Variants in SUPT3H observed in about 807,000 individuals in gnomAD.
SUPT3H encodes the protein transcription initiation protein SPT3 homolog.
A neutral mutation model predicts 44.3 loss-of-function variants in SUPT3H; 44 were observed. The observed-to-expected ratio is 0.99, with a 90% CI of 0.78 to 1.28. The LOEUF (loss-of-function observed/expected upper bound fraction) is 1.28. Ranked by LOEUF, SUPT3H falls within the 50% of genes most tolerant of loss-of-function variation. The pLI is 0.00. For missense variants in SUPT3H, 380 were observed against 387.1 expected, an observed-to-expected ratio of 0.98 and a Z score of 0.15; for synonymous variants, 124 against 125.6, an observed-to-expected ratio of 0.99 and a Z score of 0.09.
chr6:45,294,936 T>C (rs1780905944), intron 2 of SUPT3H, among the ~76,000 whole-genome samples: 1 of 151,796 alleles, frequency 6.6e-6, no homozygotes, highest in African/African-American at 2.4e-5. Flanking sequence ...AATCTACAAA[T>C]TCACCAATGC....
chr6:44,987,884 A>C (rs756435153), intron 6 of SUPT3H, among the ~76,000 whole-genome samples: 4 of 152,138 alleles, frequency 2.6e-5, no homozygotes, highest in Non-Finnish European at 4.4e-5. Flanking sequence ...AAGTGCAAAA[A>C]GTCTGAAGAG....
chr6:45,270,893 G>T (rs1033803050), intron 2 of SUPT3H, among the ~76,000 whole-genome samples: 2 of 152,228 alleles, frequency 1.3e-5, no homozygotes, highest in Non-Finnish European at 2.9e-5. Context: ...GGCTGAAGTG[G>T]TCTCAGATGG....
At chr6:44,893,599 A>G (rs1021419700) in intron 10 of SUPT3H, among the ~76,000 whole-genome samples, 12 of 152,016 alleles carry the variant, frequency 7.9e-5, no homozygotes, top group African/African-American at 2.9e-4. Context: ...TATGTGCCAC[A>G]TTTTCTTAAT....
chr6:45,099,085 T>G (rs1798187625), intron 3 of SUPT3H: 1 of 369,446 alleles, frequency 2.7e-6, no homozygotes, highest in Non-Finnish European at 5.4e-6. Context: ...CCAGCTGTGG[T>G]GAACATTGCC....
intron 3 of SUPT3H, among the ~76,000 whole-genome samples, chr6:45,070,597 C>G (rs1419009261): frequency 6.6e-6 from 1 of 151,808 alleles, no homozygotes; most frequent in South Asian, 2.1e-4. Flanking sequence ...AAAAATTGGC[C>G]GGGCATGGCA....
At chr6:44,972,235 T>C (rs914500988) in intron 6 of SUPT3H, among the ~76,000 whole-genome samples, 13 of 152,156 alleles carry the variant, frequency 8.5e-5, no homozygotes, top group African/African-American at 2.7e-4. Context: ...TGGGTAAACA[T>C]ACCCATTCTA....
At chr6:44,982,984 G>A (rs1044778998) in intron 6 of SUPT3H, among the ~76,000 whole-genome samples, 1 of 152,140 alleles carries the variant, frequency 6.6e-6, no homozygotes, top group Non-Finnish European at 1.5e-5. Flanking sequence ...GATTCACATA[G>A]AGGCTAAATA....
In SUPT3H at chr6:44,972,551, C is replaced by T. The variant is rs752287645; in HGVS notation, c.505-10723G>A. ...TTCTGCGATCTGGAGAATGGTGGCC[C>T]TTTTACAGCTCTACTAGGCAGTGCC... On this transcript the variant is annotated intron_variant, in intron 6 of 10. Coordinates refer to ENST00000371459, the MANE Select transcript of SUPT3H (RefSeq NM_003599.4). 8.5e-5 allele frequency among the ~76,000 whole-genome samples: 13 copies of T among 152,284 alleles called. No homozygotes were observed. In the Middle Eastern group the frequency reaches 0.017, roughly 199 times the overall value.
chr6:45,023,794 C>T (rs1785522084), intron 3 of SUPT3H, among the ~76,000 whole-genome samples: 1 of 152,150 alleles, frequency 6.6e-6, no homozygotes, highest in African/African-American at 2.4e-5. Flanking sequence ...GAAAGGATAA[C>T]TCTTGGGTAG....
chr6:45,358,991 A>C (rs2150236880), intron 2 of SUPT3H, among the ~76,000 whole-genome samples: 2 of 152,246 alleles, frequency 1.3e-5, no homozygotes, highest in Middle Eastern at 6.8e-3. Flanking sequence ...CCATATAACT[A>C]AGGATTTTCA....
chr6:44,894,473 T>C (rs1470456113), intron 10 of SUPT3H, among the ~76,000 whole-genome samples: 6 of 152,228 alleles, frequency 3.9e-5, no homozygotes, highest in Admixed American at 3.9e-4. Context: ...CATTTATAAA[T>C]AGGGAATCCT....
chr6:45,259,898 C>T (rs1047954281), intron 2 of SUPT3H, among the ~76,000 whole-genome samples: 1 of 152,076 alleles, frequency 6.6e-6, no homozygotes, highest in Non-Finnish European at 1.5e-5. Flanking sequence ...TATAAATTAA[C>T]CTTTAAACAT....
intron 9 of SUPT3H, among the ~76,000 whole-genome samples, chr6:44,941,631 T>C (rs1772451906): frequency 6.6e-6 from 1 of 152,202 alleles, no homozygotes; most frequent in Admixed American, 6.5e-5. Context: ...TTATTATCTC[T>C]GGATGGGACA....
At chr6:44,864,420 G>A (rs566414724) in intron 10 of SUPT3H, among the ~76,000 whole-genome samples, 17 of 152,254 alleles carry the variant, frequency 1.1e-4, no homozygotes, top group Admixed American at 9.8e-4. Flanking sequence ...CTCTGTGTGG[G>A]GACTCCAATC....
At chr6:45,293,167 A>G (rs1430586883) in intron 2 of SUPT3H, among the ~76,000 whole-genome samples, 1 of 152,180 alleles carries the variant, frequency 6.6e-6, no homozygotes, top group African/African-American at 2.4e-5. Flanking sequence ...AAAACTGGAA[A>G]TCAACCCCAA....
intron 3 of SUPT3H, among the ~76,000 whole-genome samples, chr6:45,075,238 G>A (rs1436682377): frequency 6.6e-6 from 1 of 152,030 alleles, no homozygotes; most frequent in Non-Finnish European, 1.5e-5. Context: ...TTATGTGCTT[G>A]TACATTTTTA....
intron 10 of SUPT3H, among the ~76,000 whole-genome samples, chr6:44,906,425 A>T (rs969919840): frequency 9.9e-5 from 15 of 152,282 alleles, no homozygotes; most frequent in Admixed American, 2.0e-4. Flanking sequence ...GCATTGTACA[A>T]TGGATTTCAT....
chr6:45,139,113 T>C (rs1233649031), intron 2 of SUPT3H, among the ~76,000 whole-genome samples: 2 of 152,180 alleles, frequency 1.3e-5, no homozygotes, highest in Admixed American at 1.3e-4. Flanking sequence ...ATCTGCAGCC[T>C]ATCCTTCCTA....
chr6:45,061,387 G>A (rs1791996760), intron 3 of SUPT3H, among the ~76,000 whole-genome samples: 1 of 152,126 alleles, frequency 6.6e-6, no homozygotes, highest in African/African-American at 2.4e-5. Context: ...ATAAGTGGGA[G>A]CCAAACGATG....
Sources: allele counts gnomAD v4.1 joint callset (sites outside exome capture counted in the v4.1 genomes callset), GRCh38; gene constraint gnomAD v4.1.1; transcripts MANE v1.5; gene names NCBI Gene and HGNC (gene_info 2026-07-23, HGNC 2026-07-21).